ATP8A2: variants seen among roughly 807,000 people sequenced by gnomAD.
The protein encoded by ATP8A2 is phospholipid-transporting ATPase IB.
Under a neutral mutation model 165.6 loss-of-function variants are expected in ATP8A2, and 100 were observed. The observed-to-expected ratio is 0.60, with a 90% CI of 0.51 to 0.71. The LOEUF is 0.71. ATP8A2 is among the 30% of genes least tolerant of loss of function. The pLI, the probability that ATP8A2 is intolerant of heterozygous loss-of-function variation, is 0.00. For missense variants in ATP8A2, 1,227 were observed against 1,479.5 expected, an observed-to-expected ratio of 0.83 and a Z score of 2.80; for synonymous variants, 543 against 548.8, an observed-to-expected ratio of 0.99 and a Z score of 0.15.
chr13:25,658,404 G>A (rs769697483), intron 24 of ATP8A2, among the ~76,000 whole-genome samples: 2 of 152,130 alleles, frequency 1.3e-5, no homozygotes, highest in Admixed American at 6.5e-5. Flanking sequence ...TTGGGAGGCC[G>A]AGGCAGGCAG....
intron 28 of ATP8A2, among the ~76,000 whole-genome samples, chr13:25,832,193 C>T (rs1410594530): frequency 6.6e-6 from 1 of 152,068 alleles, no homozygotes; most frequent in Non-Finnish European, 1.5e-5. Context: ...CTGCCTCGGC[C>T]CCCCAGAGTG....
chr13:25,454,697 G>A (rs1446170929), intron 1 of ATP8A2, among the ~76,000 whole-genome samples: 1 of 152,188 alleles, frequency 6.6e-6, no homozygotes, highest in Non-Finnish European at 1.5e-5. Flanking sequence ...GCCGAGGTGG[G>A]TGAATCACGA....
chr13:25,689,683 C>G (rs1031119597), intron 24 of ATP8A2, among the ~76,000 whole-genome samples: 13 of 152,106 alleles, frequency 8.5e-5, no homozygotes, highest in African/African-American at 1.2e-4. Context: ...TTAAATGTGG[C>G]ATTGATTCAT....
chr13:25,795,705 A>G (rs1359621980), intron 27 of ATP8A2, among the ~76,000 whole-genome samples: 4 of 152,236 alleles, frequency 2.6e-5, no homozygotes, highest in African/African-American at 9.6e-5. Flanking sequence ...CCTAACATCT[A>G]CTAGAATAGC....
At chr13:25,388,194 A>T (rs2033122934) in intron 1 of ATP8A2, among the ~76,000 whole-genome samples, 1 of 152,134 alleles carries the variant, frequency 6.6e-6, no homozygotes, top group African/African-American at 2.4e-5. Context: ...GAGAGAAAGA[A>T]GGAGGAAGGA....
At chr13:25,712,980 T>C (rs1490138229) in intron 25 of ATP8A2, among the ~76,000 whole-genome samples, 1 of 152,236 alleles carries the variant, frequency 6.6e-6, no homozygotes, top group Non-Finnish European at 1.5e-5. Context: ...ACTAAAACCC[T>C]GTTATATTTA....
chr13:25,883,681 C>G (rs1953050859), intron 33 of ATP8A2, among the ~76,000 whole-genome samples: 2 of 152,198 alleles, frequency 1.3e-5, no homozygotes, highest in South Asian at 4.1e-4. Context: ...GTGGAGAACG[C>G]TTGTCCCCTG....
intron 25 of ATP8A2, among the ~76,000 whole-genome samples, chr13:25,724,360 G>A (rs1410337533): frequency 6.6e-6 from 1 of 152,222 alleles, no homozygotes; most frequent in Admixed American, 6.5e-5. Flanking sequence ...GAAATGGGAT[G>A]TGTGGGTGAG....
At chr13:25,714,817 C>T (rs544902615) in intron 25 of ATP8A2, among the ~76,000 whole-genome samples, 39 of 152,264 alleles carry the variant, frequency 2.6e-4, no homozygotes, top group Admixed American at 5.2e-4. Context: ...TGCTTAGCTA[C>T]TTTTATCTCC....
chr13:25,907,228 C>T (rs183324835), intron 33 of ATP8A2, among the ~76,000 whole-genome samples: 20 of 151,552 alleles, frequency 1.3e-4, no homozygotes, highest in East Asian at 5.8e-4. Context: ...CCAGCCTGGG[C>T]GACAGAGCGA....
intron 35 of ATP8A2, among the ~76,000 whole-genome samples, chr13:26,007,147 A>G (rs1180036205): frequency 3.3e-5 from 5 of 152,102 alleles, no homozygotes; most frequent in African/African-American, 1.2e-4. Flanking sequence ...TAGCTTCCAA[A>G]CCATATATAG....
At chr13:25,651,094 A>G (rs1181624347) in intron 24 of ATP8A2, among the ~76,000 whole-genome samples, 1 of 152,138 alleles carries the variant, frequency 6.6e-6, no homozygotes, top group Non-Finnish European at 1.5e-5. Context: ...GATAGAACTC[A>G]CTTGAAATTT....
intron 24 of ATP8A2, among the ~76,000 whole-genome samples, chr13:25,666,489 C>T (rs1187241033): frequency 6.6e-6 from 1 of 152,170 alleles, no homozygotes; most frequent in Non-Finnish European, 1.5e-5. Context: ...ATCCACCCAC[C>T]TCAGGCTCCC....
chr13:25,418,025 TA>T (rs1442975336), intron 1 of ATP8A2, among the ~76,000 whole-genome samples: 1 of 152,180 alleles, frequency 6.6e-6, no homozygotes, highest in Non-Finnish European at 1.5e-5. Context: ...ACACTTCTCA[TA>T]CCCATATGTC....
intron 25 of ATP8A2, among the ~76,000 whole-genome samples, chr13:25,728,583 A>T (rs1010001132): frequency 9.9e-5 from 15 of 152,178 alleles, no homozygotes; most frequent in African/African-American, 3.6e-4. Flanking sequence ...TCTTAGAGAA[A>T]AAATGGACTT....
chr13:25,853,301 A>T (rs1183178964), intron 30 of ATP8A2, among the ~76,000 whole-genome samples: 1 of 151,448 alleles, frequency 6.6e-6, no homozygotes, highest in African/African-American at 2.4e-5. Context: ...CTGAGGAAGG[A>T]GAATTGCTTG....
chr13:25,604,877 G>C (rs1224460668), intron 24 of ATP8A2, among the ~76,000 whole-genome samples: 1 of 152,162 alleles, frequency 6.6e-6, no homozygotes, highest in Non-Finnish European at 1.5e-5. Flanking sequence ...GTCCTTGTCC[G>C]TCTTTTGTGC....
At chr13:25,899,681 GA>G (rs964342788) in intron 33 of ATP8A2, among the ~76,000 whole-genome samples, 10 of 152,292 alleles carry the variant, frequency 6.6e-5, no homozygotes, top group African/African-American at 2.2e-4. Context: ...AGACAGGCAG[GA>G]AGGAAGGGGT....
At chr13:25,963,176 A>G (rs1955696340) in intron 34 of ATP8A2, among the ~76,000 whole-genome samples, 2 of 152,148 alleles carry the variant, frequency 1.3e-5, no homozygotes, top group Admixed American at 1.3e-4. Context: ...TGGGTGGATC[A>G]CAAGGTCAAG....
Sources: allele counts gnomAD v4.1 joint callset (sites outside exome capture counted in the v4.1 genomes callset), GRCh38; gene constraint gnomAD v4.1.1; transcripts MANE v1.5; gene names NCBI Gene and HGNC (gene_info 2026-07-23, HGNC 2026-07-21).